ARHGEF10: variants seen among roughly 807,000 people sequenced by gnomAD.
ARHGEF10 encodes Rho guanine nucleotide exchange factor (GEF) 10.
ARHGEF10 carries 140 observed loss-of-function variants against 147.4 expected under a neutral mutation model. The ratio of observed to expected loss-of-function variants is 0.95; its 90% CI spans 0.83 to 1.09. ARHGEF10 has a LOEUF of 1.09. Among genes scored for constraint, ARHGEF10 ranks in the 50% least tolerant of loss-of-function variants. The probability of loss-of-function intolerance (pLI) is 0.00; values close to 1 mark genes in which losing one functional copy is unlikely to be tolerated. For synonymous variants in ARHGEF10, 902 were observed against 695.8 expected, an observed-to-expected ratio of 1.30 and a Z score of -4.67; for missense variants, 2,222 against 1,752.7, an observed-to-expected ratio of 1.27 and a Z score of -4.78.
chr8:1,835,264 G>C (rs891228757), intron 1 of ARHGEF10, among the ~76,000 whole-genome samples: 3 of 152,236 alleles, frequency 2.0e-5, no homozygotes, highest in African/African-American at 7.2e-5. Flanking sequence ...AGTAAGTGAA[G>C]AGCGGGGCAC....
At chr8:1,884,586 T>A (rs1808498385) in intron 10 of ARHGEF10, among the ~76,000 whole-genome samples, 1 of 152,196 alleles carries the variant, frequency 6.6e-6, no homozygotes, top group Non-Finnish European at 1.5e-5. Context: ...GGGAAAAGTC[T>A]GGGCATCAGT....
At chr8:1,936,812 C>A (rs893180422) in intron 26 of ARHGEF10, among the ~76,000 whole-genome samples, 1 of 152,216 alleles carries the variant, frequency 6.6e-6, no homozygotes, top group African/African-American at 2.4e-5. Context: ...CATCCTCTGT[C>A]ATCTCAGAGG....
intron 18 of ARHGEF10, among the ~76,000 whole-genome samples, chr8:1,921,001 G>A (rs1278821336): frequency 6.6e-6 from 1 of 152,120 alleles, no homozygotes; most frequent in Non-Finnish European, 1.5e-5. Flanking sequence ...GATCAGGCTG[G>A]CCTCGAACTC....
Position 1,905,646 on chromosome 8 carries a change from A to G in ARHGEF10, c.1897A>G (p.Ile633Val). 1 of 1,614,218 alleles carries G rather than the reference A, an allele frequency of 6.2e-7. No individual in the cohort carries two copies. The highest frequency in any genetic ancestry group is 8.5e-7 in the Non-Finnish European group (1 of 1,180,034). The stretch of plus-strand genomic sequence containing the variant: ...AACAGTTTACAACGACAGAGGAGAG[A>G]TTGTTAAAACCAAAGAACGCCGAGT... ...IETVYNDRGE[I>V]VKTKERRVFM... Residue 633 changes from isoleucine to valine, a missense_variant, in exon 17 of 29, where the codon ATT becomes GTT. Ile to Val is a conservative substitution (Grantham distance 29). Transcript: ENST00000349830.
intron 26 of ARHGEF10, among the ~76,000 whole-genome samples, chr8:1,935,222 C>A (rs1260494883): frequency 6.6e-6 from 1 of 151,978 alleles, no homozygotes; most frequent in Admixed American, 6.6e-5. Context: ...CCCCCCACAA[C>A]CCCCCATCAG....
chr8:1,894,286 G>A lies in ARHGEF10; in HGVS notation c.1261-107G>A, dbSNP rs1809788426. 3.5e-6 allele frequency: 4 copies of A among 1,158,586 alleles called. No homozygotes were observed. The Admixed American group carries it at 5.8e-5, about 17-fold the overall frequency. The allele number at this position is 1,158,586 out of a possible 1,614,324, so 71.8% of individuals were successfully genotyped here. A position where few individuals can be genotyped will look rare whatever the true frequency, so the allele number is the denominator to read the frequency against. On this transcript the variant is annotated intron_variant, in intron 12 of 28. Transcript: ENST00000349830. ...GATGGCTTGAGCCCAGGAGTTTGAG[G>A]CTGCAGTGAGCCATGATCGCACCAC...
chr8:1,865,970 T>G (rs1024418211), intron 5 of ARHGEF10, among the ~76,000 whole-genome samples: 1 of 152,198 alleles, frequency 6.6e-6, no homozygotes, highest in Non-Finnish European at 1.5e-5. Flanking sequence ...TCATCATCCT[T>G]CCGAGTGGAG....
chr8:1,884,744 G>A (rs1014806485), intron 10 of ARHGEF10, among the ~76,000 whole-genome samples: 2 of 152,114 alleles, frequency 1.3e-5, no homozygotes, highest in African/African-American at 4.8e-5. Flanking sequence ...AGTTAGCTGT[G>A]TTTTAAAAAA....
chr8:1,891,979 C>G (rs1192117069), intron 11 of ARHGEF10, among the ~76,000 whole-genome samples: 2 of 148,506 alleles, frequency 1.3e-5, no homozygotes, highest in African/African-American at 4.9e-5. Flanking sequence ...AATACATATA[C>G]ATAATATAGG....
At chr8:1,922,081 G>A (rs1388398101) in intron 18 of ARHGEF10, among the ~76,000 whole-genome samples, 1 of 152,064 alleles carries the variant, frequency 6.6e-6, no homozygotes, top group African/African-American at 2.4e-5. Flanking sequence ...GGGAGATGGG[G>A]GAATCTGTCC....
intron 18 of ARHGEF10, among the ~76,000 whole-genome samples, chr8:1,920,883 C>T (rs1402846840): frequency 6.6e-6 from 1 of 152,108 alleles, no homozygotes; most frequent in Non-Finnish European, 1.5e-5. Flanking sequence ...CGCCTTCCAG[C>T]TTCAAGCAAT....
chr8:1,857,342 G>A (rs9720733), intron 2 of ARHGEF10, among the ~76,000 whole-genome samples: 30,453 of 152,006 alleles, frequency 0.2, 4,186 homozygotes, highest in African/African-American at 0.39. Context: ...CAGCCCAGCC[G>A]GGTGATGTTC....
At position 1,958,541 on chromosome 8, in the gene ARHGEF10, G is replaced by A. The variant is rs1815754786; in HGVS notation, c.*1278G>A. On this transcript the variant is annotated 3_prime_UTR_variant, in exon 29 of 29. Coordinates refer to ENST00000349830, the MANE Select transcript of ARHGEF10 (RefSeq NM_014629.4). ...TATGACTTAGCCAAATATGTTCTAG[G>A]TTGCATATATCCCCCATGTGAAAGT... 6.6e-6 allele frequency: 1 copy of A among 152,182 alleles called. No homozygotes were observed. Among genetic ancestry groups the A allele is most frequent in the African/African-American group, 2.4e-5 (1 of 41,446 alleles). The allele number at this position is 152,182 out of a possible 1,614,324, so 9.4% of individuals were successfully genotyped here.
intron 27 of ARHGEF10, among the ~76,000 whole-genome samples, chr8:1,950,627 G>T (rs962723752): frequency 7.9e-5 from 12 of 151,858 alleles, no homozygotes; most frequent in African/African-American, 2.9e-4. Context: ...CCGCCTCCCG[G>T]GTTCAAGCAA....
At chr8:1,892,612 G>A (rs1011161791) in intron 11 of ARHGEF10, among the ~76,000 whole-genome samples, 1 of 151,610 alleles carries the variant, frequency 6.6e-6, no homozygotes, top group Non-Finnish European at 1.5e-5. Context: ...GTAGCCTGAT[G>A]CTACACTGGA....
intron 1 of ARHGEF10, among the ~76,000 whole-genome samples, chr8:1,828,389 C>T (rs77368753): frequency 4.0e-5 from 6 of 151,602 alleles, no homozygotes; most frequent in East Asian, 1.9e-4. Flanking sequence ...TTTGATAAAC[C>T]GTGGCATGCA....
At chr8:1,932,880 G>A (rs1383389139) in intron 25 of ARHGEF10, among the ~76,000 whole-genome samples, 2 of 152,158 alleles carry the variant, frequency 1.3e-5, no homozygotes, top group African/African-American at 4.8e-5. Context: ...GGAAGTCGAC[G>A]GCATTGATGG....
chr8:1,898,547 C>T (rs1362999762), intron 15 of ARHGEF10, 22 bp downstream of exon 15: 1 of 1,606,970 alleles, frequency 6.2e-7, no homozygotes, highest in Non-Finnish European at 8.5e-7. Context: ...ACGGAGACCT[C>T]CTCAAGCTAG....
In ARHGEF10 at chr8:1,956,895, C is replaced by A; in HGVS notation, c.3667C>A (p.Leu1223Ile). Residue 1223 changes from leucine to isoleucine, a missense_variant, in exon 29 of 29, where the codon CTT (leucine) becomes ATT (isoleucine). Physicochemically the swap from Leu to Ile is conservative, Grantham distance 5. Coordinates refer to ENST00000349830, the MANE Select transcript of ARHGEF10 (RefSeq NM_014629.4). Reference sequence around the variant, plus strand: ...TCAGGACGAAGACCAGAAGGACGCACTTCCGAGTGGAGGAGCTGGTTCATC... The same window carrying A: ...TCAGGACGAAGACCAGAAGGACGCAATTCCGAGTGGAGGAGCTGGTTCATC... ...EPQDEDQKDA[L>I]PSGGAGSSLS... is the part of the protein sequence containing the mutation. 2 of 1,614,070 alleles carry A rather than the reference C, an allele frequency of 1.2e-6. No individual in the cohort carries two copies. Among genetic ancestry groups the A allele is most frequent in the Non-Finnish European group, 1.7e-6 (2 of 1,179,966 alleles).
Sources: allele counts gnomAD v4.1 joint callset (sites outside exome capture counted in the v4.1 genomes callset), GRCh38; gene constraint gnomAD v4.1.1; transcripts MANE v1.5; gene names NCBI Gene and HGNC (gene_info 2026-07-23, HGNC 2026-07-21).